The following TLDC2 variants were observed in gnomAD, a reference collection of about 807,000 sequenced individuals.
The protein encoded by TLDC2 is TBC/LysM-associated domain containing 2, also known as TLD domain-containing protein 2.
Under a neutral mutation model 27.9 loss-of-function variants are expected in TLDC2, and 23 were observed. The observed-to-expected ratio is 0.82, with a 90% CI of 0.59 to 1.17. The LOEUF (loss-of-function observed/expected upper bound fraction) is 1.17, where lower values mean the gene tolerates loss of function less well. Ranked by LOEUF, TLDC2 falls within the 50% of genes most tolerant of loss-of-function variation. The pLI is 0.00. For synonymous variants in TLDC2, 124 were observed against 107.4 expected, an observed-to-expected ratio of 1.16 and a Z score of -0.96; for missense variants, 286 against 273.4, an observed-to-expected ratio of 1.05 and a Z score of -0.32.
Position 36,887,484 on chromosome 20 carries a change from C to A in TLDC2, c.468C>A (p.Phe156Leu). ...KVFKWTGSNS[F>L]FVKGDLDSLM... Reference sequence around the variant, plus strand: ...TTAAGTGGACTGGAAGCAACTCTTTCTTTGTGAAGGGAGACTTGGATTCAC... The same window carrying A: ...TTAAGTGGACTGGAAGCAACTCTTTATTTGTGAAGGGAGACTTGGATTCAC... Residue 156 changes from phenylalanine to leucine, a missense_variant, in exon 5 of 7, where the codon TTC becomes TTA. Physicochemically the swap from Phe to Leu is conservative, Grantham distance 22 (BLOSUM62 0). Coordinates refer to ENST00000217320, the MANE Select transcript of TLDC2 (RefSeq NM_080628.3). 1 of 1,614,142 alleles carries A rather than the reference C, an allele frequency of 6.2e-7. No individual in the cohort carries two copies. The highest frequency in any genetic ancestry group is 8.5e-7 in the Non-Finnish European group (1 of 1,180,006).
rs544737080 is a variant in TLDC2, at chr20:36,878,042, A to G, written c.177A>G (p.Ser59=). ...AAGCCAGCCAGGTTTTGAGTGCCTCAGAGATTCGGCAGGTCTGGGCATTGC... is the reference window on the plus strand; with the variant it reads ...AAGCCAGCCAGGTTTTGAGTGCCTCGGAGATTCGGCAGGTCTGGGCATTGC... ...LTEASQVLSA[S]EIRQLSFHFP... Residue 59 remains serine (S), a synonymous_variant, in exon 2 of 7, where the codon TCA becomes TCG. Transcript: ENST00000217320. 8 of 1,613,448 alleles carry G rather than the reference A, an allele frequency of 5.0e-6. No individual in the cohort carries two copies. In the African/African-American group the frequency reaches 1.1e-4, roughly 21 times the overall value.
At position 36,893,874 on chromosome 20, in the gene TLDC2, T is replaced by C; in HGVS notation, c.*1030T>C. 1 of 398,618 alleles carries C rather than the reference T, an allele frequency of 2.5e-6. No individual in the cohort carries two copies. Among genetic ancestry groups the C allele is most frequent in the Non-Finnish European group, 4.4e-6 (1 of 226,074 alleles). 24.7% of individuals were successfully genotyped at this position (398,618 alleles called of 1,614,324 possible). ...ACTCCGGTAAATTACATTTCTCAGC[T>C]CCCATGCCTGTTGGTTTCCAGTTAG... On this transcript the variant is annotated 3_prime_UTR_variant, in exon 7 of 7. Transcript: ENST00000217320.
Position 36,878,029 on chromosome 20 carries a change from T to C in TLDC2, c.164T>C (p.Val55Ala). 1 of 1,613,762 alleles carries C rather than the reference T, an allele frequency of 6.2e-7. No individual in the cohort carries two copies. The highest frequency in any genetic ancestry group is 8.5e-7 in the Non-Finnish European group (1 of 1,179,840). ...CCCCAGCTGACAGAAGCCAGCCAGG[T>C]TTTGAGTGCCTCAGAGATTCGGCAG... The part of the protein sequence containing the change: ...TVPQLTEASQ[V>A]LSASEIRQLS... Residue 55 changes from valine (V) to alanine (A), a missense_variant, in exon 2 of 7, where the codon GTT (valine) becomes GCT (alanine). Physicochemically the swap from Val to Ala is moderately conservative, Grantham distance 64 (BLOSUM62 0). Transcript: ENST00000217320.
chr20:36,876,910 C>T (rs1224838493), intron 1 of TLDC2, among the ~76,000 whole-genome samples: 1 of 152,160 alleles, frequency 6.6e-6, no homozygotes, highest in Non-Finnish European at 1.5e-5. Context: ...ACACTCAATA[C>T]CTCCACACAT....
At position 36,880,720 on chromosome 20, in the gene TLDC2, A is replaced by C; in HGVS notation, c.408A>C (p.Thr136=). Reference sequence around the variant, plus strand: ...AAGGCTTCTATGGTACTGGCGAGACATTCCTCTTCTCCTTCTCCCCACAGC... The same window carrying C: ...AAGGCTTCTATGGTACTGGCGAGACCTTCCTCTTCTCCTTCTCCCCACAGC... ...LSKGFYGTGE[T]FLFSFSPQLK... The change falls in exon 4 of 7, where the codon ACA becomes ACC. Residue 136 remains threonine (T), a synonymous_variant. Transcript: ENST00000217320. 6.2e-7 allele frequency: 1 copy of C among 1,614,160 alleles called. No individual in the cohort carries two copies. Among genetic ancestry groups the C allele is most frequent in the Non-Finnish European group, 8.5e-7 (1 of 1,180,026 alleles).
At chr20:36,881,115 C>A (rs530024079) in intron 4 of TLDC2, among the ~76,000 whole-genome samples, 1 of 152,294 alleles carries the variant, frequency 6.6e-6, no homozygotes, top group South Asian at 2.1e-4. Flanking sequence ...GGCACCGTGG[C>A]TCATGCCTGT....
Position 36,887,914 on chromosome 20 carries a change from G to C in TLDC2, c.512+386G>C, listed in dbSNP as rs187911605. ...AACCTCCCTCGGTGAGGACGGGGTA[G>C]AGAGAGGTAGGAAAAAAAAGTTGAT... On this transcript the variant is annotated intron_variant, in intron 5 of 6. Transcript: ENST00000217320. Among the ~76,000 whole-genome samples the C allele has an allele frequency of 1.8e-3, 277 of 152,242 alleles. 2 individuals carry two copies. The highest frequency in any genetic ancestry group is 3.4e-3 in the Middle Eastern group (1 of 294).
At chr20:36,878,686 G>C (rs1379625983) in intron 2 of TLDC2, among the ~76,000 whole-genome samples, 2 of 152,000 alleles carry the variant, frequency 1.3e-5, no homozygotes, top group Non-Finnish European at 2.9e-5. Context: ...TCAGGAGGAG[G>C]GTTCAGCATC....
rs116721025 is a variant in TLDC2 at position 36,886,815 on chromosome 20, C to A, written c.439-640C>A. On this transcript the variant is annotated intron_variant, in intron 4 of 6. Coordinates refer to ENST00000217320, the MANE Select transcript of TLDC2 (RefSeq NM_080628.3). ...GCCACTGCGCCAGTCCCAGGCTGCA[C>A]TTCTGGCCATTGTTAAGGAGTTGAA... Among the ~76,000 whole-genome samples the A allele has an allele frequency of 5.1e-3, 776 of 152,216 alleles. 8 individuals are homozygous for A. Among genetic ancestry groups the A allele is most frequent in the African/African-American group, 0.018 (752 of 41,528 alleles).
intron 4 of TLDC2, among the ~76,000 whole-genome samples, chr20:36,884,182 G>A (rs956409964): frequency 1.3e-5 from 2 of 152,140 alleles, no homozygotes; most frequent in Non-Finnish European, 2.9e-5. Context: ...ACTTGGAGAA[G>A]AGCCAAAGTG....
chr20:36,877,401 A>G (rs987988904), intron 1 of TLDC2, among the ~76,000 whole-genome samples: 12 of 151,952 alleles, frequency 7.9e-5, no homozygotes, highest in African/African-American at 2.9e-4. Flanking sequence ...AAAAAAGGAA[A>G]AAGAAAAAAG....
intron 3 of TLDC2, 98 bp downstream of exon 3, chr20:36,879,291 G>C: frequency 1.4e-6 from 2 of 1,439,724 alleles, no homozygotes; most frequent in Non-Finnish European, 9.2e-7. Context: ...CAGGCAGAGT[G>C]ACAGACTAAG....
intron 1 of TLDC2, 75 bp from the exon 2 acceptor site, chr20:36,877,824 C>T (rs1246768563): frequency 1.3e-6 from 2 of 1,513,266 alleles, no homozygotes; most frequent in Non-Finnish European, 1.8e-6. Context: ...CCCGAGGAGG[C>T]TCTTGGGCTC....
Position 36,879,038 on chromosome 20 carries a change from C to T in TLDC2, c.190-3C>T. The T allele has an allele frequency of 6.2e-7, 1 of 1,614,212 alleles. No homozygotes were observed. Among genetic ancestry groups the T allele is most frequent in the Non-Finnish European group, 8.5e-7 (1 of 1,180,032 alleles). ...CTCCATTCACCTCCAACCCTGTCCC[C>T]AGCTCAGCTTTCACTTCCCACCAAG... On this transcript the variant is annotated splice_polypyrimidine_tract_variant and splice_region_variant and intron_variant, in intron 2 of 6. Coordinates refer to ENST00000217320, the MANE Select transcript of TLDC2 (RefSeq NM_080628.3).
At chr20:36,882,706 T>TACCA (rs1315031567) in intron 4 of TLDC2, among the ~76,000 whole-genome samples, 1 of 152,170 alleles carries the variant, frequency 6.6e-6, no homozygotes, top group African/African-American at 2.4e-5. Context: ...AGGCAAAATA[T>TACCA]ACCATATCTA....
chr20:36,886,203 A>G (rs1013162378), intron 4 of TLDC2, among the ~76,000 whole-genome samples: 2 of 152,154 alleles, frequency 1.3e-5, no homozygotes, highest in African/African-American at 4.8e-5. Context: ...ATCATAGCTC[A>G]CTGCAGCCTC....
chr20:36,892,701 A>G, intron 6 of TLDC2, 161 bp from the exon 7 acceptor site: 1 of 597,240 alleles, frequency 1.7e-6, no homozygotes. Context: ...ACTGAAGGAG[A>G]AAGGCTTTAA....
At chr20:36,878,998 G>A (rs1989737563) in intron 2 of TLDC2, 43 bp from the exon 3 acceptor site, 3 of 1,613,734 alleles carry the variant, frequency 1.9e-6, no homozygotes, top group South Asian at 2.2e-5. Flanking sequence ...TGGCAGGAGG[G>A]CGCGAGGAGA....
At chr20:36,880,085 A>G (rs1326779336) in intron 3 of TLDC2, among the ~76,000 whole-genome samples, 1 of 45,260 alleles carries the variant, frequency 2.2e-5, no homozygotes, top group South Asian at 1.1e-3. Context: ...ATATATATAT[A>G]TATATATATA....
Sources: gnomAD v4.1 joint callset for allele counts (sites outside exome capture counted in the v4.1 genomes callset) on GRCh38, gnomAD v4.1.1 for gene constraint, MANE v1.5 for transcripts, NCBI Gene and HGNC (gene_info 2026-07-23, HGNC 2026-07-21) for gene names.